Variants in PTPRO observed in about 807,000 individuals in gnomAD.
PTPRO encodes receptor-type tyrosine-protein phosphatase O.
In PTPRO, 62 loss-of-function variants were observed where a neutral mutation model predicts 145.2. That is an observed-to-expected ratio of 0.43 (90% confidence interval 0.35 to 0.53). The LOEUF (loss-of-function observed/expected upper bound fraction) is 0.53, where lower values mean the gene tolerates loss of function less well. Ranked by LOEUF, PTPRO falls within the 20% of genes least tolerant of loss-of-function variation. The pLI is 0.01. For missense variants in PTPRO, 1,345 were observed against 1,482.7 expected (o/e 0.91, Z 1.53); for synonymous variants, 565 against 514.7 (o/e 1.10, Z -1.32).
At chr12:15,526,817 G>T in intron 12 of PTPRO, among the ~76,000 whole-genome samples, 1 of 151,982 alleles carries the variant, frequency 6.6e-6, no homozygotes, top group Non-Finnish European at 1.5e-5. Flanking sequence ...TAATTAAAAT[G>T]AATAAGTTGG....
intron 8 of PTPRO, among the ~76,000 whole-genome samples, chr12:15,515,970 T>C (rs1446310530): frequency 6.7e-6 from 1 of 149,044 alleles, no homozygotes; most frequent in Non-Finnish European, 1.5e-5. Context: ...TTGTTTTGTT[T>C]GTCTGGTTTT....
chr12:15,550,936 C>A (rs1438076694), intron 14 of PTPRO, among the ~76,000 whole-genome samples: 1 of 152,156 alleles, frequency 6.6e-6, no homozygotes, highest in African/African-American at 2.4e-5. Context: ...AAGGACGTGA[C>A]CCCTGTTCTT....
intron 13 of PTPRO, among the ~76,000 whole-genome samples, chr12:15,547,362 C>A (rs1202207856): frequency 6.6e-6 from 1 of 152,150 alleles, no homozygotes; most frequent in African/African-American, 2.4e-5. Context: ...CTATGAGTGG[C>A]AACGCCACAA....
intron 18 of PTPRO, among the ~76,000 whole-genome samples, chr12:15,568,657 T>G (rs1425376437): frequency 6.6e-6 from 1 of 151,984 alleles, no homozygotes; most frequent in Non-Finnish European, 1.5e-5. Context: ...TACAGAAAAC[T>G]ACAGGAGATA....
Position 15,578,914 on chromosome 12 carries a change from G to C in PTPRO, c.2891G>C (p.Cys964Ser). Residue 964 changes from cysteine to serine, a missense_variant, in exon 20 of 27, where the codon TGT becomes TCT. Cys to Ser is a moderately radical substitution (Grantham distance 112, BLOSUM62 -1). Coordinates refer to ENST00000281171, the MANE Select transcript of PTPRO (RefSeq NM_030667.3). ...GCTGCAGATCTTCCACTGAATCGAT[G>C]TAAAAACCGTTACACAAACATCCTA... Reference protein sequence around the residue: ...HFAADLPLNRCKNRYTNILPY... With the variant: ...HFAADLPLNRSKNRYTNILPY... 1 of 1,604,972 alleles carries C rather than the reference G, an allele frequency of 6.2e-7. No individual in the cohort carries two copies.
intron 1 of PTPRO, among the ~76,000 whole-genome samples, chr12:15,448,070 T>C (rs1940947354): frequency 6.6e-6 from 1 of 152,082 alleles, no homozygotes; most frequent in South Asian, 2.1e-4. Context: ...AATAGAGTAA[T>C]ACATTTACAG....
intron 12 of PTPRO, among the ~76,000 whole-genome samples, chr12:15,538,552 C>T (rs1287620674): frequency 2.0e-5 from 3 of 152,130 alleles, no homozygotes; most frequent in African/African-American, 4.8e-5. Context: ...AGGCATTTCT[C>T]CTGCCCATCA....
At chr12:15,539,939 T>G (rs1591705059) in intron 12 of PTPRO, among the ~76,000 whole-genome samples, 1 of 148,646 alleles carries the variant, frequency 6.7e-6, no homozygotes, top group African/African-American at 2.5e-5. Flanking sequence ...TATTTCCTGG[T>G]TTTTTTTTTA....
At chr12:15,553,285 A>G (rs1202966735) in intron 15 of PTPRO, among the ~76,000 whole-genome samples, 1 of 152,226 alleles carries the variant, frequency 6.6e-6, no homozygotes, top group Admixed American at 6.5e-5. Context: ...TATAAGTAAA[A>G]GGACTGCCCC....
chr12:15,572,942 T>G (rs564760857), intron 19 of PTPRO, among the ~76,000 whole-genome samples: 1 of 152,270 alleles, frequency 6.6e-6, no homozygotes, highest in East Asian at 1.9e-4. Context: ...AGTGGGACAT[T>G]CCCGCACAAT....
chr12:15,499,982 G>A (rs903206183), intron 4 of PTPRO, among the ~76,000 whole-genome samples: 2 of 152,104 alleles, frequency 1.3e-5, no homozygotes, highest in African/African-American at 4.8e-5. Flanking sequence ...AAATTCAAAT[G>A]TATCTAAAAC....
chr12:15,324,264 T>C (rs1866381932), intron 1 of PTPRO, among the ~76,000 whole-genome samples: 1 of 152,246 alleles, frequency 6.6e-6, no homozygotes. Flanking sequence ...CTAAGAGTTA[T>C]ATGTATGACA....
rs745648194 is a variant in PTPRO, at chr12:15,501,702, A to C, written c.744A>C (p.Pro248=). The part of the protein sequence containing the change: ...NNWEEQSGNF[P]EESFMRSQDT... Reference sequence around the variant, plus strand: ...GGGAAGAACAGAGTGGCAATTTCCCAGAAGAATCCTTCATGAGATCACAAG... The same window carrying C: ...GGGAAGAACAGAGTGGCAATTTCCCCGAAGAATCCTTCATGAGATCACAAG... The change falls in exon 5 of 27, where the codon CCA becomes CCC. Residue 248 remains proline, a synonymous_variant. Coordinates refer to ENST00000281171, the MANE Select transcript of PTPRO (RefSeq NM_030667.3). 3 of 1,613,884 alleles carry C rather than the reference A, an allele frequency of 1.9e-6. No individual in the cohort carries two copies. Among genetic ancestry groups the C allele is most frequent in the African/African-American group, 2.7e-5 (2 of 74,916 alleles).
intron 1 of PTPRO, among the ~76,000 whole-genome samples, chr12:15,438,057 C>T (rs1242631444): frequency 6.6e-6 from 1 of 152,092 alleles, no homozygotes; most frequent in Non-Finnish European, 1.5e-5. Flanking sequence ...AACTTCACAG[C>T]CCAATATAAA....
chr12:15,573,198 G>C (rs1944099187), intron 19 of PTPRO, among the ~76,000 whole-genome samples: 1 of 152,162 alleles, frequency 6.6e-6, no homozygotes, highest in South Asian at 2.1e-4. Flanking sequence ...GGAGATCCAA[G>C]GAAAAGTTGA....
chr12:15,368,170 C>T (rs528923636), intron 1 of PTPRO, among the ~76,000 whole-genome samples: 25 of 152,308 alleles, frequency 1.6e-4, no homozygotes, highest in African/African-American at 5.8e-4. Context: ...TCCTGCCAAG[C>T]CTTTAGCTGT....
intron 1 of PTPRO, among the ~76,000 whole-genome samples, chr12:15,386,086 AAGAGAT>A (rs1939019239): frequency 6.6e-6 from 1 of 152,102 alleles, no homozygotes; most frequent in Non-Finnish European, 1.5e-5. Flanking sequence ...CTAGCACCCA[AAGAGAT>A]ATATCCCCCA....
intron 12 of PTPRO, among the ~76,000 whole-genome samples, chr12:15,531,753 A>G (rs1942967132): frequency 6.6e-6 from 1 of 152,192 alleles, no homozygotes; most frequent in Non-Finnish European, 1.5e-5. Context: ...TTTTCACAGC[A>G]GAGATTTTAT....
At chr12:15,478,139 A>G (rs1030815047) in intron 1 of PTPRO, among the ~76,000 whole-genome samples, 5 of 152,236 alleles carry the variant, frequency 3.3e-5, no homozygotes, top group African/African-American at 1.2e-4. Context: ...GTATGGGTAC[A>G]AGAGCAGACT....
Sources: allele counts gnomAD v4.1 joint callset (sites outside exome capture counted in the v4.1 genomes callset), GRCh38; gene constraint gnomAD v4.1.1; transcripts MANE v1.5; gene names NCBI Gene and HGNC (gene_info 2026-07-23, HGNC 2026-07-21).